LRRC37A2: variants seen among roughly 807,000 people sequenced by gnomAD.
LRRC37A2 encodes the protein leucine rich repeat containing 37 member A2, also known as leucine-rich repeat-containing protein 37A2.
A neutral mutation model predicts 68.8 loss-of-function variants in LRRC37A2; 9 were observed. That is an observed-to-expected ratio of 0.13 (90% CI 0.08 to 0.23). The LOEUF is 0.23. Ranked by LOEUF, LRRC37A2 falls within the 10% of genes least tolerant of loss-of-function variation. LRRC37A2 has a pLI of 1.00. For synonymous variants in LRRC37A2, 63 were observed against 367.6 expected (o/e 0.17, Z 9.48); for missense variants, 168 against 950.4 (o/e 0.18, Z 10.82).
chr17:46,872,771 G>T, the LRRC37A2 span: 3 of 1,597,630 alleles, frequency 1.9e-6, no homozygotes, highest in Non-Finnish European at 2.6e-6. Flanking sequence ...CTGCTCAAGA[G>T]AGGTGGGGAG....
At chr17:46,856,546 G>A in the LRRC37A2 span, among the ~76,000 whole-genome samples, 1 of 150,506 alleles carries the variant, frequency 6.6e-6, no homozygotes, top group Non-Finnish European at 1.5e-5. Flanking sequence ...ATGCAGTGGT[G>A]CAATCTCGGC....
At chr17:47,039,829 AG>A in the LRRC37A2 span, among the ~76,000 whole-genome samples, 1 of 142,750 alleles carries the variant, frequency 7.0e-6, no homozygotes, top group African/African-American at 2.5e-5. Context: ...TTCCACAAAC[AG>A]GTCTCTGAGA....
the LRRC37A2 span, among the ~76,000 whole-genome samples, chr17:46,901,496 G>T: frequency 6.6e-6 from 1 of 152,174 alleles, no homozygotes; most frequent in East Asian, 1.9e-4. Context: ...AGCCAATGCA[G>T]CTGGAGCTGG....
In LRRC37A2 at chr17:46,549,115, A is replaced by C. The variant is rs1437095936; in HGVS notation, c.3976A>C (p.Lys1326Gln). 6.2e-7 allele frequency: 1 copy of C among 1,611,618 alleles called. No individual in the cohort carries two copies. The highest frequency in any genetic ancestry group is 1.4e-5 in the African/African-American group (1 of 73,126). ...AACACCCAAAGTCAAAAAGAGTCCA[A>C]AGGTCAGAAAGAAAAGTTATCTGAG... Residue 1326 changes from lysine (K) to glutamine (Q), a missense_variant, in exon 10 of 15, where the codon AAG becomes CAG. Transcript: ENST00000576629.
At chr17:46,473,806 G>C in the LRRC37A2 span, among the ~76,000 whole-genome samples, 1 of 80,896 alleles carries the variant, frequency 1.2e-5, no homozygotes, top group Non-Finnish European at 2.7e-5. Context: ...TGAGACAGGA[G>C]AATCACTTGA....
chr17:46,914,546 G>C, the LRRC37A2 span, among the ~76,000 whole-genome samples: 1 of 150,196 alleles, frequency 6.7e-6, no homozygotes, highest in Non-Finnish European at 1.5e-5. Flanking sequence ...AGCTACTCGG[G>C]AGGCTGAGGC....
At chr17:46,755,818 G>A in the LRRC37A2 span, 18 of 1,596,756 alleles carry the variant, frequency 1.1e-5, no homozygotes, top group Admixed American at 2.9e-4. Flanking sequence ...CCTTGATTTT[G>A]ATTGAAAATG....
chr17:46,413,301 ATTAAACCAGCTT>A, the LRRC37A2 span, among the ~76,000 whole-genome samples: 1 of 71,112 alleles, frequency 1.4e-5, no homozygotes, highest in Admixed American at 1.3e-4. Context: ...TGCAAGTGTA[ATTAAACCAGCTT>A]TTCTTCTGCT....
At chr17:46,867,266 G>A in the LRRC37A2 span, among the ~76,000 whole-genome samples, 1 of 152,200 alleles carries the variant, frequency 6.6e-6, no homozygotes, top group African/African-American at 2.4e-5. Context: ...ATACTTATCT[G>A]GAGCTTACTG....
the LRRC37A2 span, among the ~76,000 whole-genome samples, chr17:46,451,114 A>AG: frequency 2.4e-5 from 2 of 84,070 alleles, no homozygotes; most frequent in Non-Finnish European, 6.8e-5. Context: ...TTTCTAAAAA[A>AG]GTACTTGACA....
chr17:46,934,702 A>G, the LRRC37A2 span, among the ~76,000 whole-genome samples: 1 of 152,234 alleles, frequency 6.6e-6, no homozygotes, highest in Non-Finnish European at 1.5e-5. Flanking sequence ...AGTCAGAGAA[A>G]GCCTTTAGGA....
the LRRC37A2 span, among the ~76,000 whole-genome samples, chr17:46,792,962 G>C: frequency 6.6e-6 from 1 of 151,946 alleles, no homozygotes; most frequent in East Asian, 1.9e-4. Context: ...GTGGCACTGA[G>C]ATGGCAAAAA....
At chr17:46,408,892 T>G in the LRRC37A2 span, 1 of 66,790 alleles carries the variant, frequency 1.5e-5, no homozygotes, top group Non-Finnish European at 2.9e-5. Context: ...GAAACTAAAT[T>G]TGTGGTTCTA....
chr17:46,967,602 G>C, the LRRC37A2 span, among the ~76,000 whole-genome samples: 1 of 152,146 alleles, frequency 6.6e-6, no homozygotes, highest in Non-Finnish European at 1.5e-5. Context: ...GTGTTCTCTG[G>C]GTACAGCATG....
At chr17:46,388,480 T>TG in the LRRC37A2 span, among the ~76,000 whole-genome samples, 1 of 41,760 alleles carries the variant, frequency 2.4e-5, no homozygotes, top group African/African-American at 7.5e-5. Flanking sequence ...GAGAATTGCT[T>TG]GAACCTGGGA....
chr17:46,782,665 C>T, the LRRC37A2 span, among the ~76,000 whole-genome samples: 3 of 152,224 alleles, frequency 2.0e-5, no homozygotes, highest in Non-Finnish European at 2.9e-5. Context: ...CACCGTGGGG[C>T]TGGGCCTGGT....
the LRRC37A2 span, among the ~76,000 whole-genome samples, chr17:46,493,704 AT>A: frequency 3.4e-5 from 5 of 148,600 alleles, no homozygotes; most frequent in African/African-American, 1.3e-4. Flanking sequence ...CGCCCAGCTA[AT>A]TTTTTGTATT....
the LRRC37A2 span, among the ~76,000 whole-genome samples, chr17:46,494,491 G>A: frequency 6.7e-6 from 1 of 149,190 alleles, no homozygotes; most frequent in East Asian, 2.0e-4. Flanking sequence ...AATGATAATG[G>A]CTGTTCCAAT....
At chr17:46,866,317 G>C in the LRRC37A2 span, among the ~76,000 whole-genome samples, 1 of 152,190 alleles carries the variant, frequency 6.6e-6, no homozygotes, top group Non-Finnish European at 1.5e-5. Context: ...AAGAGGTTGG[G>C]AGCGGAGAGC....
Sources: allele counts gnomAD v4.1 joint callset (sites outside exome capture counted in the v4.1 genomes callset), GRCh38; gene constraint gnomAD v4.1.1; transcripts MANE v1.5; gene names NCBI Gene and HGNC (gene_info 2026-07-23, HGNC 2026-07-21).